Variants in COL6A2 observed in about 807,000 individuals in gnomAD.
COL6A2 encodes collagen alpha-2(VI) chain.
COL6A2 carries 90 observed loss-of-function variants against 124.9 expected under a neutral mutation model. That is an observed-to-expected ratio of 0.72 (90% confidence interval 0.61 to 0.86). The LOEUF (loss-of-function observed/expected upper bound fraction) is 0.86. COL6A2 is among the 40% of genes least tolerant of loss of function. COL6A2 has a pLI of 0.00. For missense variants in COL6A2, 1,607 were observed against 1,502.5 expected (o/e 1.07, Z -1.15); for synonymous variants, 793 against 618.2 (o/e 1.28, Z -4.19).
At chr21:46,115,727 G>A (rs2078460150) in intron 5 of COL6A2, 145 bp from the exon 6 acceptor site, 1 of 760,308 alleles carries the variant, frequency 1.3e-6, no homozygotes, top group Admixed American at 2.0e-5. Context: ...GCCCTTTGGG[G>A]AGCAGCTGAC....
At chr21:46,127,235 A>G (rs1270154351) in intron 27 of COL6A2, among the ~76,000 whole-genome samples, 7 of 151,998 alleles carry the variant, frequency 4.6e-5, no homozygotes, top group African/African-American at 1.7e-4. Flanking sequence ...TGCCATGGAG[A>G]CAGGGTGGGA....
chr21:46,131,020 A>C (rs1356817315), intron 27 of COL6A2, among the ~76,000 whole-genome samples: 1 of 152,220 alleles, frequency 6.6e-6, no homozygotes, highest in African/African-American at 2.4e-5. Context: ...GGGCCCCCAG[A>C]AACCGAGTTT....
At chr21:46,115,005 G>A (rs1247352078) in intron 5 of COL6A2, among the ~76,000 whole-genome samples, 2 of 152,248 alleles carry the variant, frequency 1.3e-5, no homozygotes, top group Non-Finnish European at 2.9e-5. Flanking sequence ...CTTTCTCCAG[G>A]ATGAGACATC....
At chr21:46,112,753 G>C (rs374205847) in intron 3 of COL6A2, 51 bp from the exon 4 acceptor site, 1 of 1,613,234 alleles carries the variant, frequency 6.2e-7, no homozygotes, top group South Asian at 1.1e-5. Context: ...AGGTGCAGCC[G>C]CCCCAGGTCT....
At position 46,116,994 on chromosome 21, in the gene COL6A2, G is replaced by A. The variant is rs1406360218; in HGVS notation, c.999+180G>A. ...CTGCCACATCCCACTGCCCCACCCA[G>A]GGCTTCACCAGCCTGCATCTAATTC... On this transcript the variant is annotated intron_variant, in intron 10 of 27. Coordinates refer to ENST00000300527, the MANE Select transcript of COL6A2 (RefSeq NM_001849.4). This position sits in a 1 kb window ranked among gnomAD's most constrained non-coding sequence, Gnocchi z 4.6. Among the ~76,000 whole-genome samples the A allele has an allele frequency of 6.6e-6, 1 of 151,186 alleles. No homozygotes were observed. The highest frequency in any genetic ancestry group is 2.4e-5 in the African/African-American group (1 of 41,034).
chr21:46,115,983 TCA>T, intron 6 of COL6A2, 24 bp from the exon 7 acceptor site: 5 of 1,611,904 alleles, frequency 3.1e-6, no homozygotes, highest in Non-Finnish European at 4.2e-6. Context: ...AGGGCTGGGC[TCA>T]CACTGCTGCG....
At chr21:46,117,517 G>A in intron 11 of COL6A2, 64 bp downstream of exon 11, 1 of 1,530,834 alleles carries the variant, frequency 6.5e-7, no homozygotes, top group Non-Finnish European at 9.0e-7. Flanking sequence ...TGACCGGGTG[G>A]GAGGGTAGTT....
chr21:46,122,984 GA>G, intron 21 of COL6A2, 47 bp downstream of exon 21: 1 of 1,564,126 alleles, frequency 6.4e-7, no homozygotes, highest in South Asian at 1.1e-5. Flanking sequence ...CAGAGGCAGG[GA>G]GGGGCCCTGA....
intron 27 of COL6A2, chr21:46,128,976 G>T: frequency 6.2e-7 from 1 of 1,608,900 alleles, no homozygotes; most frequent in Admixed American, 1.7e-5. Context: ...CCACCGTGCG[G>T]GTCTCCTAGC....
At position 46,125,561 on chromosome 21, in the gene COL6A2, T is replaced by C. The variant is rs141919484; in HGVS notation, c.1913T>C (p.Val638Ala). 6.2e-7 allele frequency: 1 copy of C among 1,612,574 alleles called. No individual in the cohort carries two copies. The highest frequency in any genetic ancestry group is 2.2e-5 in the East Asian group (1 of 44,808). Residue 638 changes from valine (V) to alanine (A), a missense_variant, in exon 25 of 28, where the codon GTC becomes GCC. This residue lies in a region of COL6A2 where 1,223 missense variants were observed against 1,052.2 expected (regional missense o/e 1.16). Coordinates refer to ENST00000300527, the MANE Select transcript of COL6A2 (RefSeq NM_001849.4). ...YTNFTLEKNF[V>A]INVVNRLGAI... ...AACTTCACACTGGAGAAGAACTTCG[T>C]CATCAACGTGGTCAACAGGCTGGGT...
intron 1 of COL6A2, among the ~76,000 whole-genome samples, chr21:46,110,998 GGA>G (rs1360682830): frequency 1.3e-5 from 2 of 152,192 alleles, no homozygotes; most frequent in Non-Finnish European, 2.9e-5. Context: ...GAGCCAGGCT[GGA>G]GAGAGAGTGC....
chr21:46,127,657 G>C lies in COL6A2; in HGVS notation c.2461+1116G>C, dbSNP rs771064391. ...CCACCCACCCCCTCGTTCCTGATGG[G>C]GCAGGGAAGTCTCGGGACCCCATGA... On this transcript the variant is annotated intron_variant, in intron 27 of 27. Transcript: ENST00000300527. Among the ~76,000 whole-genome samples the C allele has an allele frequency of 6.6e-4, 101 of 152,278 alleles. No individual in the cohort carries two copies. The Middle Eastern group carries it at 0.014, about 21-fold the overall frequency.
Position 46,132,256 on chromosome 21 carries a change from G to C in COL6A2, c.2764G>C (p.Val922Leu). 1.2e-6 allele frequency: 2 copies of C among 1,605,890 alleles called. No individual in the cohort carries two copies. Among genetic ancestry groups the C allele is most frequent in the Non-Finnish European group, 1.7e-6 (2 of 1,178,184 alleles). ...NSFSHVGAGV[V>L]HAINAIVRSP... is the part of the protein sequence containing the mutation. The stretch of plus-strand genomic sequence containing the variant: ...CTTCTCGCACGTGGGCGCAGGCGTG[G>C]TGCACGCCATCAATGCCATCGTGCG... Residue 922 changes from valine (V) to leucine (L), a missense_variant, in exon 28 of 28, where the codon GTG becomes CTG. Around this residue, in one of 3 missense-constraint regions of COL6A2, gnomAD observed 1,223 missense variants for 1,052.2 expected, o/e 1.16. Coordinates refer to ENST00000300527, the MANE Select transcript of COL6A2 (RefSeq NM_001849.4).
rs772873705 is a variant in COL6A2 at position 46,125,571 on chromosome 21, G to A, written c.1923G>A (p.Val641=). The part of the protein sequence containing the change: ...FTLEKNFVIN[V]VNRLGAIAKD... ...TGGAGAAGAACTTCGTCATCAACGT[G>A]GTCAACAGGCTGGGTGCCATCGCTA... The change falls in exon 25 of 28, where the codon GTG becomes GTA. Residue 641 remains valine (V), a synonymous_variant. Coordinates refer to ENST00000300527, the MANE Select transcript of COL6A2 (RefSeq NM_001849.4). The A allele has an allele frequency of 6.2e-7, 1 of 1,612,918 alleles. No homozygotes were observed. The highest frequency in any genetic ancestry group is 8.5e-7 in the Non-Finnish European group (1 of 1,179,968).
intron 11 of COL6A2, 46 bp from the exon 12 acceptor site, chr21:46,117,828 A>G: frequency 2.5e-6 from 4 of 1,574,804 alleles, no homozygotes; most frequent in Non-Finnish European, 3.5e-6. Context: ...CATGGGGAGA[A>G]CCCCACCCGC....
At chr21:46,103,596 G>A (rs1039692145) in intron 1 of COL6A2, among the ~76,000 whole-genome samples, 1 of 152,082 alleles carries the variant, frequency 6.6e-6, no homozygotes, top group African/African-American at 2.4e-5. Flanking sequence ...TTTTAAATTT[G>A]TGTTTTCATT....
rs1382122104 is a variant in COL6A2 at position 46,125,805 on chromosome 21, C to T, written c.1990C>T (p.Gln664Ter). Reference protein sequence around the residue: ...SETGTRVGVVQYSHEGTFEAI... With the variant: ...SETGTRVGVV ...TGCAGGGACGCGTGTGGGCGTGGTG[C>T]AGTACAGCCACGAGGGCACCTTTGA... The change falls in exon 26 of 28, where the codon CAG (glutamine) becomes TAG (stop). Residue 664 changes from glutamine (Q) to a stop codon, truncating the protein, a stop_gained. Transcript: ENST00000300527. LOFTEE classifies it high-confidence loss of function. 1.9e-6 allele frequency: 3 copies of T among 1,612,796 alleles called. No homozygotes were observed. Among genetic ancestry groups the T allele is most frequent in the Admixed American group, 1.7e-5 (1 of 60,018 alleles).
rs1270442170 is a variant in COL6A2, at chr21:46,112,173, C to T, written c.310C>T (p.Gln104Ter). The T allele has an allele frequency of 6.2e-7, 1 of 1,613,010 alleles. No homozygotes were observed. The part of the protein sequence containing the change: ...WRYGGLHFSD[Q>*]VEVFSPPGSD... ...CTACGGCGGCCTGCACTTCTCTGAC[C>T]AGGTGGAGGTGTTCAGCCCACCGGG... The change falls in exon 3 of 28, where the codon CAG becomes TAG. Residue 104 changes from glutamine (Q) to a stop codon, truncating the protein, a stop_gained. Transcript: ENST00000300527. LOFTEE classifies it high-confidence loss of function.
chr21:46,116,614 G>T lies in COL6A2; in HGVS notation c.928-37G>T. The T allele has an allele frequency of 6.2e-7, 1 of 1,612,712 alleles. No individual in the cohort carries two copies. ...GCAGCAGTGCCCATGATGCTTTGAG[G>T]CACCGAGCTCACTGCGCCGGCTTTC... On this transcript the variant is annotated intron_variant, in intron 8 of 27. Coordinates refer to ENST00000300527, the MANE Select transcript of COL6A2 (RefSeq NM_001849.4). The surrounding 1 kb of genome is among the most constrained non-coding windows in gnomAD (Gnocchi z 4.6).
Sources: allele counts gnomAD v4.1 joint callset (sites outside exome capture counted in the v4.1 genomes callset), GRCh38; gene constraint gnomAD v4.1.1; regional missense constraint gnomAD v4.1.1; non-coding constraint Gnocchi (gnomAD v3.1); transcripts MANE v1.5; gene names NCBI Gene and HGNC (gene_info 2026-07-23, HGNC 2026-07-21).